The following DNAAF3 variants were observed in gnomAD, a reference collection of about 807,000 sequenced individuals.
DNAAF3 encodes UPF0470 protein C19orf51.
In DNAAF3, 40 loss-of-function variants were observed where a neutral mutation model predicts 50.9. That is an observed-to-expected ratio of 0.79 (90% CI 0.61 to 1.02). The LOEUF (loss-of-function observed/expected upper bound fraction) is 1.02, where lower values mean the gene tolerates loss of function less well. Among genes scored for constraint, DNAAF3 ranks in the 50% least tolerant of loss-of-function variants. DNAAF3 has a pLI of 0.00. For missense variants in DNAAF3, 763 were observed against 744.7 expected (o/e 1.02, Z -0.29); for synonymous variants, 327 against 322.8 (o/e 1.01, Z -0.14).
chr19:55,160,153 T>TA lies in DNAAF3; in HGVS notation c.1049-141dup, dbSNP rs894098057. 7 of 658,248 alleles carry TA rather than the reference T, an allele frequency of 1.1e-5. No homozygotes were observed. The highest frequency in any genetic ancestry group is 5.2e-5 in the Admixed American group (2 of 38,690). 40.8% of individuals were successfully genotyped at this position (658,248 alleles called of 1,614,324 possible). ...CACTTTTTGTCCTCTTGCAGCTTTT[T>TA]AAAAAATCCTCTAAGGTAGGCTCCT... On this transcript the variant is annotated intron_variant, in intron 9 of 11. Coordinates refer to ENST00000524407, the MANE Select transcript of DNAAF3 (RefSeq NM_001256715.2). The surrounding 1 kb of genome is among the most constrained non-coding windows in gnomAD (Gnocchi z 4.7).
intron 4 of DNAAF3, 30 bp from the exon 5 acceptor site, chr19:55,162,320 T>A: frequency 2.4e-6 from 3 of 1,249,404 alleles, no homozygotes; most frequent in Non-Finnish European, 3.0e-6. Context: ...ATTGCGGGAA[T>A]GTGTGGAGGA....
At position 55,165,401 on chromosome 19, in the gene DNAAF3, G is replaced by A; in HGVS notation, c.291C>T (p.Ala97=). The change falls in exon 4 of 12, where the codon GCC becomes GCT. Residue 97 remains alanine, a synonymous_variant. Coordinates refer to ENST00000524407, the MANE Select transcript of DNAAF3 (RefSeq NM_001256715.2). Reference sequence around the variant, plus strand: ...GCCCCATCTTCTCCGGTTCCTCCAGGGCTAGGCTGAAGATCAGCATGTGTC... The same window carrying A: ...GCCCCATCTTCTCCGGTTCCTCCAGAGCTAGGCTGAAGATCAGCATGTGTC... ...VARHMLIFSL[A]LEEPEKMGLQ... The A allele has an allele frequency of 1.2e-6, 2 of 1,614,108 alleles. No homozygotes were observed. The highest frequency in any genetic ancestry group is 2.2e-5 in the South Asian group (2 of 91,066).
rs574054035 is a variant in DNAAF3, at chr19:55,160,931, C to G, written c.912+134G>C. 6.9e-7 allele frequency: 1 copy of G among 1,450,164 alleles called. No homozygotes were observed. Among genetic ancestry groups the G allele is most frequent in the African/African-American group, 1.4e-5 (1 of 70,008 alleles). 89.8% of individuals were successfully genotyped at this position (1,450,164 alleles called of 1,614,324 possible). Reference sequence around the variant, plus strand: ...ATCCCGCGGGGATGGGGCCTGTTCTCTGAATGGAGTCGTTCCCACCAAGCG... The same window carrying G: ...ATCCCGCGGGGATGGGGCCTGTTCTGTGAATGGAGTCGTTCCCACCAAGCG... On this transcript the variant is annotated intron_variant, in intron 8 of 11. Transcript: ENST00000524407. This position sits in a 1 kb window ranked among gnomAD's most constrained non-coding sequence, Gnocchi z 4.7.
In DNAAF3 at chr19:55,160,691, C is replaced by G; in HGVS notation, c.997G>C (p.Asp333His). ...AWGRARATGG[D>H]LEEQQHAEGS... The stretch of plus-strand genomic sequence containing the variant: ...TCCGCGTGCTGCTGCTCCTCCAGGT[C>G]CCCCCCGGTGGCTCTCGCGCGCCCC... Residue 333 changes from aspartate to histidine, a missense_variant, in exon 9 of 12, where the codon GAC (aspartate) becomes CAC (histidine). By Grantham distance (81) the Asp-to-His change is moderately conservative. Transcript: ENST00000524407. This position sits in a 1 kb window ranked among gnomAD's most constrained non-coding sequence, Gnocchi z 4.7. The G allele has an allele frequency of 1.2e-6, 2 of 1,612,846 alleles. No homozygotes were observed. Among genetic ancestry groups the G allele is most frequent in the Non-Finnish European group, 1.7e-6 (2 of 1,179,744 alleles).
chr19:55,161,005 C>T lies in DNAAF3; in HGVS notation c.912+60G>A. ...GCGGGGCCTGCTGTGGGGGCGGGGC[C>T]TTGCGCACCCACCGACCCCCAGCCC... On this transcript the variant is annotated intron_variant, in intron 8 of 11. Transcript: ENST00000524407. The surrounding 1 kb of genome is among the most constrained non-coding windows in gnomAD (Gnocchi z 6.4). 6.7e-7 allele frequency: 1 copy of T among 1,490,666 alleles called. No individual in the cohort carries two copies. The highest frequency in any genetic ancestry group is 8.9e-7 in the Non-Finnish European group (1 of 1,121,930). 92.3% of individuals were successfully genotyped at this position (1,490,666 alleles called of 1,614,324 possible).
chr19:55,161,946 G>T lies in DNAAF3; in HGVS notation c.481-121C>A. ...GAACGATTCCCCCGTTTCTCGGATG[G>T]AAAAACTGAGGCTCCGAAAGCAGAA... On this transcript the variant is annotated intron_variant, in intron 5 of 11. Coordinates refer to ENST00000524407, the MANE Select transcript of DNAAF3 (RefSeq NM_001256715.2). The surrounding 1 kb of genome is among the most constrained non-coding windows in gnomAD (Gnocchi z 6.4). 1 of 1,360,462 alleles carries T rather than the reference G, an allele frequency of 7.4e-7. No homozygotes were observed. 84.3% of individuals were successfully genotyped at this position (1,360,462 alleles called of 1,614,324 possible). A position where few individuals can be genotyped will look rare whatever the true frequency, so the allele number is the denominator to read the frequency against.
rs1942181214 is a variant in DNAAF3 at position 55,160,870 on chromosome 19, G to A, written c.913-95C>T. ...TCCTCGGTCCAGGACTAGAACTCCCGCAGCTGCTTGGAGGATGTGAAGTGG... is the reference window on the plus strand; with the variant it reads ...TCCTCGGTCCAGGACTAGAACTCCCACAGCTGCTTGGAGGATGTGAAGTGG... On this transcript the variant is annotated intron_variant, in intron 8 of 11. Coordinates refer to ENST00000524407, the MANE Select transcript of DNAAF3 (RefSeq NM_001256715.2). This position sits in a 1 kb window ranked among gnomAD's most constrained non-coding sequence, Gnocchi z 4.7. The A allele has an allele frequency of 6.7e-7, 1 of 1,497,682 alleles. No homozygotes were observed. Among genetic ancestry groups the A allele is most frequent in the Middle Eastern group, 2.3e-4 (1 of 4,296 alleles). The allele number at this position is 1,497,682 out of a possible 1,614,324, so 92.8% of individuals were successfully genotyped here. A position where few individuals can be genotyped will look rare whatever the true frequency, so the allele number is the denominator to read the frequency against.
At position 55,165,978 on chromosome 19, in the gene DNAAF3, G is replaced by A; in HGVS notation, c.108C>T (p.Ser36=). The A allele has an allele frequency of 6.2e-7, 1 of 1,614,194 alleles. No homozygotes were observed. The highest frequency in any genetic ancestry group is 8.5e-7 in the Non-Finnish European group (1 of 1,180,040). Residue 36 remains serine (S), a synonymous_variant, in exon 3 of 12, where the codon TCC becomes TCT. Coordinates refer to ENST00000524407, the MANE Select transcript of DNAAF3 (RefSeq NM_001256715.2). ...QAESPPVDPD[S]QADTVHSNPE... ...GGTTGCTGTGCACTGTATCGGCCTG[G>A]GAGTCTGGGTCCACAGGAGGACCTG...
At chr19:55,164,999 T>G (rs2085911346) in intron 4 of DNAAF3, among the ~76,000 whole-genome samples, 1 of 151,528 alleles carries the variant, frequency 6.6e-6, no homozygotes. Flanking sequence ...ACATTTTTGG[T>G]TTTTAGATGG....
chr19:55,158,789 A>T lies in DNAAF3; in HGVS notation c.*273T>A. The T allele has an allele frequency of 2.9e-6, 1 of 346,876 alleles. No homozygotes were observed. The highest frequency in any genetic ancestry group is 5.2e-6 in the Non-Finnish European group (1 of 191,580). 21.5% of individuals were successfully genotyped at this position (346,876 alleles called of 1,614,324 possible). A position where few individuals can be genotyped will look rare whatever the true frequency, so the allele number is the denominator to read the frequency against. ...AGGGGGCCAAAGTCAAGGGCCTGAG[A>T]CTCAGTGTCAGATCCTAGGCTGGGC... On this transcript the variant is annotated 3_prime_UTR_variant, in exon 12 of 12. Transcript: ENST00000524407.
Position 55,166,262 on chromosome 19 carries a change from T to A in DNAAF3, c.85+67A>T, listed in dbSNP as rs533007589. ...TGCCACCGACGCTGGGACTACGAGC[T>A]CTAAAAGGCCGTCTGCTCAGGCTGG... On this transcript the variant is annotated intron_variant, in intron 2 of 11. Coordinates refer to ENST00000524407, the MANE Select transcript of DNAAF3 (RefSeq NM_001256715.2). The surrounding 1 kb of genome is among the most constrained non-coding windows in gnomAD (Gnocchi z 4.0). 3.0e-5 allele frequency: 48 copies of A among 1,579,408 alleles called. No homozygotes were observed. The highest frequency in any genetic ancestry group is 2.6e-4 in the South Asian group (23 of 88,230).
In DNAAF3 at chr19:55,164,104, G is replaced by A. The variant is rs946084476; in HGVS notation, c.322+1266C>T. On this transcript the variant is annotated intron_variant, in intron 4 of 11. Transcript: ENST00000524407. ...TGGAACAGATGCCTGCATCCCCTTCGCCTCCTGTCATGATTGTAAGTTTCC... is the reference window on the plus strand; with the variant it reads ...TGGAACAGATGCCTGCATCCCCTTCACCTCCTGTCATGATTGTAAGTTTCC... Among the ~76,000 whole-genome samples, 9 of 152,112 alleles carry A rather than the reference G, an allele frequency of 5.9e-5. No individual in the cohort carries two copies. The South Asian group carries it at 8.3e-4, about 14-fold the overall frequency.
intron 3 of DNAAF3, 166 bp downstream of exon 3, chr19:55,165,692 C>T (rs1210389152): frequency 7.9e-7 from 1 of 1,266,108 alleles, no homozygotes; most frequent in Non-Finnish European, 1.1e-6. Flanking sequence ...TTCCAAACCC[C>T]AGCCCCTTCC....
rs1304505532 is a variant in DNAAF3 at position 55,166,075 on chromosome 19, G to A, written c.86-75C>T. On this transcript the variant is annotated intron_variant, in intron 2 of 11. Coordinates refer to ENST00000524407, the MANE Select transcript of DNAAF3 (RefSeq NM_001256715.2). This position sits in a 1 kb window ranked among gnomAD's most constrained non-coding sequence, Gnocchi z 4.0. ...CACCGTAGCATCCCCTATAAAAAAT[G>A]GACTACAAATCCCAGTAGGCGTTCC... is the stretch of plus-strand genomic sequence containing the variant. 10 of 1,611,446 alleles carry A rather than the reference G, an allele frequency of 6.2e-6. No homozygotes were observed. Among genetic ancestry groups the A allele is most frequent in the Non-Finnish European group, 8.5e-6 (10 of 1,178,924 alleles).
Position 55,158,921 on chromosome 19 carries a change from G to C in DNAAF3, c.*141C>G. Reference sequence around the variant, plus strand: ...AATTTGAAAGTCTACCAACACTCCCGGGGTGGGGGTGGCGGGTACTGAGTG... The same window carrying C: ...AATTTGAAAGTCTACCAACACTCCCCGGGTGGGGGTGGCGGGTACTGAGTG... On this transcript the variant is annotated 3_prime_UTR_variant, in exon 12 of 12. Coordinates refer to ENST00000524407, the MANE Select transcript of DNAAF3 (RefSeq NM_001256715.2). 2.3e-6 allele frequency: 2 copies of C among 861,272 alleles called. No individual in the cohort carries two copies. The highest frequency in any genetic ancestry group is 3.5e-6 in the Non-Finnish European group (2 of 578,762). 53.4% of individuals were successfully genotyped at this position (861,272 alleles called of 1,614,324 possible). A position where few individuals can be genotyped will look rare whatever the true frequency, so the allele number is the denominator to read the frequency against.
chr19:55,160,812 A>G lies in DNAAF3; in HGVS notation c.913-37T>C. 6.3e-7 allele frequency: 1 copy of G among 1,594,024 alleles called. No individual in the cohort carries two copies. The highest frequency in any genetic ancestry group is 8.5e-7 in the Non-Finnish European group (1 of 1,174,968). ...AGGGGCGTGGCCAGACGTCGGGGCC[A>G]GGATGGCGGGGCGGGGCTTAGAACG... is the stretch of plus-strand genomic sequence containing the variant. On this transcript the variant is annotated intron_variant, in intron 8 of 11. Coordinates refer to ENST00000524407, the MANE Select transcript of DNAAF3 (RefSeq NM_001256715.2). This position sits in a 1 kb window ranked among gnomAD's most constrained non-coding sequence, Gnocchi z 4.7.
At position 55,163,773 on chromosome 19, in the gene DNAAF3, T is replaced by C. The variant is rs143130915; in HGVS notation, c.323-1483A>G. 1.3e-3 allele frequency among the ~76,000 whole-genome samples: 192 copies of C among 152,336 alleles called. 1 individual carries two copies. Among genetic ancestry groups the C allele is most frequent in the African/African-American group, 4.4e-3 (183 of 41,570 alleles). On this transcript the variant is annotated intron_variant, in intron 4 of 11. Coordinates refer to ENST00000524407, the MANE Select transcript of DNAAF3 (RefSeq NM_001256715.2). ...TTAAGAACTTAATAGAAGAGAACTA[T>C]GTGCCTTTAGTAAAATAGATCAGTT...
chr19:55,161,374 T>G lies in DNAAF3; in HGVS notation c.708A>C (p.Thr236=). ...HPQEFRRWRD[T]GVAFELRDSS... is the part of the protein sequence containing the mutation. The stretch of plus-strand genomic sequence containing the variant: ...AGTCCCTGAGTTCAAAGGCGACGCC[T>G]GTGTCCCGCCAGCGTCGGAACTCCT... Residue 236 remains threonine (T), a synonymous_variant, in exon 7 of 12, where the codon ACA becomes ACC. Coordinates refer to ENST00000524407, the MANE Select transcript of DNAAF3 (RefSeq NM_001256715.2). The surrounding 1 kb of genome is among the most constrained non-coding windows in gnomAD (Gnocchi z 6.4). The G allele has an allele frequency of 6.6e-7, 1 of 1,521,278 alleles. No individual in the cohort carries two copies. The highest frequency in any genetic ancestry group is 8.9e-7 in the Non-Finnish European group (1 of 1,124,162). The allele number at this position is 1,521,278 out of a possible 1,614,324, so 94.2% of individuals were successfully genotyped here.
chr19:55,166,010 T>A lies in DNAAF3; in HGVS notation c.86-10A>T. 1 of 1,614,222 alleles carries A rather than the reference T, an allele frequency of 6.2e-7. No individual in the cohort carries two copies. The highest frequency in any genetic ancestry group is 1.1e-5 in the South Asian group (1 of 91,084). On this transcript the variant is annotated splice_polypyrimidine_tract_variant and intron_variant, in intron 2 of 11. Coordinates refer to ENST00000524407, the MANE Select transcript of DNAAF3 (RefSeq NM_001256715.2). The surrounding 1 kb of genome is among the most constrained non-coding windows in gnomAD (Gnocchi z 4.0). ...GGGTCCACAGGAGGACCTGGCAAGA[T>A]GACAGCTGGCTGGGGCACCATGGTG...
Sources: gnomAD v4.1 joint callset for allele counts (sites outside exome capture counted in the v4.1 genomes callset) on GRCh38, gnomAD v4.1.1 for gene constraint, Gnocchi (gnomAD v3.1) non-coding constraint, MANE v1.5 for transcripts, NCBI Gene and HGNC (gene_info 2026-07-23, HGNC 2026-07-21) for gene names.